The following TMEM150B variants were observed in gnomAD, a reference collection of about 807,000 sequenced individuals.
The protein encoded by TMEM150B is modulator of macroautophagy TMEM150B.
A neutral mutation model predicts 25.2 loss-of-function variants in TMEM150B; 33 were observed. The observed-to-expected ratio is 1.31, with a 90% CI of 0.99 to 1.75. The LOEUF is 1.75. Ranked by LOEUF, TMEM150B falls within the 40% of genes most tolerant of loss-of-function variation. The pLI is 0.00. For missense variants in TMEM150B, 322 were observed against 306.1 expected, an observed-to-expected ratio of 1.05 and a Z score of -0.39; for synonymous variants, 133 against 134.8, an observed-to-expected ratio of 0.99 and a Z score of 0.09.
intron 6 of TMEM150B, 119 bp downstream of exon 6, chr19:55,319,920 C>T (rs1238668921): frequency 2.6e-6 from 4 of 1,515,380 alleles, no homozygotes; most frequent in Non-Finnish European, 3.5e-6. Flanking sequence ...AATACAAGTC[C>T]CAGGAGGGCC....
At chr19:55,314,563 A>G (rs2088933025) in intron 7 of TMEM150B, among the ~76,000 whole-genome samples, 1 of 152,112 alleles carries the variant, frequency 6.6e-6, no homozygotes, top group Non-Finnish European at 1.5e-5. Context: ...TCCATCCCTT[A>G]CGACACTCAG....
chr19:55,315,536 C>T (rs571065808), intron 7 of TMEM150B, among the ~76,000 whole-genome samples: 12 of 152,050 alleles, frequency 7.9e-5, no homozygotes, highest in South Asian at 2.1e-4. Flanking sequence ...CCAAAGTGGG[C>T]GCATCACAAG....
chr19:55,313,344 C>A (rs965927551), intron 7 of TMEM150B, among the ~76,000 whole-genome samples: 2 of 152,128 alleles, frequency 1.3e-5, no homozygotes, highest in Non-Finnish European at 2.9e-5. Flanking sequence ...CAGGGAAGGG[C>A]CTGGTTGCCT....
chr19:55,311,955 C>T (rs759885128), downstream of TMEM150B: 8 of 1,609,422 alleles, frequency 5.0e-6, no homozygotes, highest in Non-Finnish European at 5.9e-6. Flanking sequence ...TGCCCCACCC[C>T]GAAGCCTGCA....
At position 55,324,823 on chromosome 19, in the gene TMEM150B, G is replaced by T. The variant is rs971500636; in HGVS notation, c.-154+449C>A. 3.0e-6 allele frequency: 3 copies of T among 985,222 alleles called. No homozygotes were observed. The African/African-American group carries it at 5.2e-5, about 17-fold the overall frequency. The allele number at this position is 985,222 out of a possible 1,614,324, so 61.0% of individuals were successfully genotyped here. A position where few individuals can be genotyped will look rare whatever the true frequency, so the allele number is the denominator to read the frequency against. On this transcript the variant is annotated intron_variant, in intron 1 of 7. Transcript: ENST00000326652. Reference sequence around the variant, plus strand: ...TTTTCCGGAGGTCTCCGTTTGCCCAGACATGAATCTGAGCCACCCCCTGCC... The same window carrying T: ...TTTTCCGGAGGTCTCCGTTTGCCCATACATGAATCTGAGCCACCCCCTGCC...
chr19:55,319,161 G>C (rs927848036), intron 6 of TMEM150B, among the ~76,000 whole-genome samples: 1 of 152,108 alleles, frequency 6.6e-6, no homozygotes. Flanking sequence ...GCCCAGGCTG[G>C]AGTGCAATGG....
Position 55,322,755 on chromosome 19 carries a change from A to T in TMEM150B, c.-153-12T>A. ...CTCAGGCAGACATCCTGCAGAGGCA[A>T]AGTCCAGGCTGCAGGACTGCCTGGG... is the stretch of plus-strand genomic sequence containing the variant. On this transcript the variant is annotated splice_polypyrimidine_tract_variant and intron_variant, in intron 1 of 7. Transcript: ENST00000326652. 2.0e-6 allele frequency: 2 copies of T among 985,028 alleles called. No individual in the cohort carries two copies. Among genetic ancestry groups the T allele is most frequent in the African/African-American group, 3.5e-5 (2 of 57,280 alleles). The allele number at this position is 985,028 out of a possible 1,614,324, so 61.0% of individuals were successfully genotyped here.
In TMEM150B at chr19:55,320,651, C is replaced by CCTTCTGTTA. The variant is rs767161676; in HGVS notation, c.69-35_69-34insTAACAGAAG. On this transcript the variant is annotated intron_variant, in intron 3 of 7. Coordinates refer to ENST00000326652, the MANE Select transcript of TMEM150B (RefSeq NM_001282011.2). ...GAAATCAGAGTGAGTGGGCGACTCTCACCAACAACTTTTCCTTCTGTTAAC... is the reference window on the plus strand; with the variant it reads ...GAAATCAGAGTGAGTGGGCGACTCTCCTTCTGTTAACCAACAACTTTTCCTTCTGTTAAC... The CCTTCTGTTA allele has an allele frequency of 6.8e-3, 10,988 of 1,612,006 alleles. 54 individuals are homozygous for CCTTCTGTTA. The highest frequency in any genetic ancestry group is 0.017 in the Admixed American group (1,033 of 59,850).
chr19:55,316,738 C>T lies in TMEM150B; in HGVS notation c.505+48G>A, dbSNP rs180953397. On this transcript the variant is annotated intron_variant, in intron 7 of 7. Coordinates refer to ENST00000326652, the MANE Select transcript of TMEM150B (RefSeq NM_001282011.2). Reference sequence around the variant, plus strand: ...AGACAGCCAGGCAGGAAGACCAACTCCAGTGAAGAGCCACCTCCAAGCCCT... The same window carrying T: ...AGACAGCCAGGCAGGAAGACCAACTTCAGTGAAGAGCCACCTCCAAGCCCT... 631 of 1,421,158 alleles carry T rather than the reference C, an allele frequency of 4.4e-4. 1 individual carries two copies. In the African/African-American group the frequency reaches 8.3e-3, roughly 19 times the overall value. 88.0% of individuals were successfully genotyped at this position (1,421,158 alleles called of 1,614,324 possible).
downstream of TMEM150B, chr19:55,312,013 G>C: frequency 6.9e-7 from 1 of 1,453,190 alleles, no homozygotes; most frequent in Non-Finnish European, 9.2e-7. Context: ...TCTCCCCGCC[G>C]AGGCCCCCCC....
downstream of TMEM150B, among the ~76,000 whole-genome samples, chr19:55,310,331 C>T (rs1326555738): frequency 6.6e-6 from 1 of 152,156 alleles, no homozygotes; most frequent in African/African-American, 2.4e-5. This position sits in a 1 kb window ranked among gnomAD's most constrained non-coding sequence, Gnocchi z 5.0. Flanking sequence ...CCTCCATCTT[C>T]AAAGCCAGTG....
rs752988819 is a variant in TMEM150B, at chr19:55,321,028, G to GC, written c.8dup (p.Tyr4LeufsTer34). On this transcript the variant is annotated frameshift_variant, in exon 3 of 8. Transcript: ENST00000326652. LOFTEE classifies it high-confidence loss of function. ...GGAAGACAGGCATCAGCGACAGGTA[G>GC]CCCCACATGCCGGGCTCTGCAGGTG... The GC allele has an allele frequency of 7.4e-6, 12 of 1,613,566 alleles. No homozygotes were observed. The highest frequency in any genetic ancestry group is 1.3e-5 in the African/African-American group (1 of 74,898).
In TMEM150B at chr19:55,316,846, C is replaced by T. The variant is rs1401627273; in HGVS notation, c.445G>A (p.Ala149Thr). 6.9e-6 allele frequency: 11 copies of T among 1,588,146 alleles called. No homozygotes were observed. Among genetic ancestry groups the T allele is most frequent in the East Asian group, 2.3e-5 (1 of 43,390 alleles). ...CCCAGGCGGAGGGGCCCAATCCAGG[C>T]AGCCCCGGGCTGGGGCAGCCTCTTC... is the stretch of plus-strand genomic sequence containing the variant. The part of the protein sequence containing the change: ...RLKRLPQPGA[A>T]WIGPLRLGLC... Residue 149 changes from alanine to threonine, a missense_variant, in exon 7 of 8, where the codon GCC (alanine) becomes ACC (threonine). Coordinates refer to ENST00000326652, the MANE Select transcript of TMEM150B (RefSeq NM_001282011.2).
At chr19:55,321,128 A>T (rs1444524120) in intron 2 of TMEM150B, 35 bp from the exon 3 acceptor site, 3 of 1,504,032 alleles carry the variant, frequency 2.0e-6, no homozygotes, top group Admixed American at 2.3e-5. Flanking sequence ...GCCCAGGTGC[A>T]TGAGATTGTG....
chr19:55,317,426 C>G (rs2384690), intron 6 of TMEM150B, among the ~76,000 whole-genome samples: 57,527 of 151,822 alleles, frequency 0.38, 11,316 homozygotes, highest in South Asian at 0.46. Context: ...AGGCAGATCA[C>G]TTTGAGCTCA....
intron 7 of TMEM150B, among the ~76,000 whole-genome samples, chr19:55,313,989 TAGG>T (rs1050401790): frequency 4.6e-5 from 7 of 152,160 alleles, no homozygotes; most frequent in African/African-American, 1.7e-4. Context: ...TGCCTGAGGC[TAGG>T]AGTTCGAGAC....
intron 6 of TMEM150B, among the ~76,000 whole-genome samples, chr19:55,318,711 A>G (rs1331323203): frequency 6.6e-6 from 1 of 152,154 alleles, no homozygotes; most frequent in Non-Finnish European, 1.5e-5. Flanking sequence ...CTTCATGGAG[A>G]TGGAATGAAG....
Position 55,320,134 on chromosome 19 carries a change from G to A in TMEM150B, c.229C>T (p.Leu77Phe), listed in dbSNP as rs61737281. 10,462 of 1,614,192 alleles carry A rather than the reference G, an allele frequency of 6.5e-3. 55 individuals carry two copies. Among genetic ancestry groups the A allele is most frequent in the Non-Finnish European group, 7.4e-3 (8,710 of 1,180,032 alleles). Residue 77 changes from leucine (L) to phenylalanine (F), a missense_variant, in exon 6 of 8, where the codon CTC (leucine) becomes TTC (phenylalanine). Physicochemically the swap from Leu to Phe is conservative, Grantham distance 22 (BLOSUM62 0). Transcript: ENST00000326652. ...CACCTTCTGACGCCCCAGTCCCGGA[G>A]CTGGTGGTAACGGACAATGCAGATC... ...AWICIVRYHQ[L>F]RDWGVRRWPN...
chr19:55,319,101 A>G (rs1178846472), intron 6 of TMEM150B, among the ~76,000 whole-genome samples: 1 of 151,274 alleles, frequency 6.6e-6, no homozygotes, highest in East Asian at 2.0e-4. Context: ...AGCCTCACTA[A>G]TTTCTTTTTT....
Sources: allele counts gnomAD v4.1 joint callset (sites outside exome capture counted in the v4.1 genomes callset), GRCh38; gene constraint gnomAD v4.1.1; non-coding constraint Gnocchi (gnomAD v3.1); transcripts MANE v1.5; gene names NCBI Gene and HGNC (gene_info 2026-07-23, HGNC 2026-07-21).